ZNF438: variants seen among roughly 807,000 people sequenced by gnomAD.
ZNF438 encodes the protein zinc finger protein 438.
In ZNF438, 25 loss-of-function variants were observed where a neutral mutation model predicts 38.0. The ratio of observed to expected loss-of-function variants is 0.66; its 90% confidence interval spans 0.48 to 0.92. ZNF438 has a LOEUF of 0.92. ZNF438 is among the 40% of genes least tolerant of loss of function. The pLI is 0.00. For synonymous variants in ZNF438, 372 were observed against 364.1 expected (o/e 1.02, Z -0.25); for missense variants, 1,007 against 999.6 (o/e 1.01, Z -0.10).
intron 1 of ZNF438, among the ~76,000 whole-genome samples, chr10:30,949,406 A>T (rs1347555130): frequency 6.6e-6 from 1 of 152,220 alleles, no homozygotes; most frequent in East Asian, 1.9e-4. Context: ...AACAATATTA[A>T]CTTTAAATGT....
intron 1 of ZNF438, among the ~76,000 whole-genome samples, chr10:31,005,664 G>A (rs1048760343): frequency 6.6e-6 from 1 of 152,174 alleles, no homozygotes; most frequent in Non-Finnish European, 1.5e-5. Context: ...ACTAAAAAGA[G>A]TAACTATGTG....
intron 1 of ZNF438, among the ~76,000 whole-genome samples, chr10:31,027,010 C>T (rs1390030539): frequency 6.7e-6 from 1 of 150,198 alleles, no homozygotes; most frequent in Non-Finnish European, 1.5e-5. Flanking sequence ...CCACACACCA[C>T]ATGTTCTCAC....
chr10:30,911,232 C>G (rs955287328), intron 2 of ZNF438, among the ~76,000 whole-genome samples: 1 of 152,114 alleles, frequency 6.6e-6, no homozygotes, highest in East Asian at 1.9e-4. Context: ...ATATCTAGCA[C>G]TTCTCTCACC....
chr10:30,945,575 C>A (rs987897161), intron 1 of ZNF438, among the ~76,000 whole-genome samples: 17 of 149,798 alleles, frequency 1.1e-4, no homozygotes, highest in Middle Eastern at 6.8e-3. Context: ...ACAACAGTCC[C>A]CAGAGTGTGA....
chr10:31,004,641 T>C (rs1205680021), intron 1 of ZNF438, among the ~76,000 whole-genome samples: 1 of 152,110 alleles, frequency 6.6e-6, no homozygotes, highest in Non-Finnish European at 1.5e-5. Flanking sequence ...ATCATTAAAG[T>C]GAAAAAACTG....
At chr10:30,893,194 A>G (rs1269250889) in intron 3 of ZNF438, among the ~76,000 whole-genome samples, 2 of 152,202 alleles carry the variant, frequency 1.3e-5, no homozygotes, top group Admixed American at 1.3e-4. Context: ...AATACTCAAA[A>G]CGTTTAAGGA....
chr10:30,872,665 G>T (rs372238778), intron 4 of ZNF438, among the ~76,000 whole-genome samples: 29 of 140,292 alleles, frequency 2.1e-4, no homozygotes, highest in Admixed American at 1.5e-3. Flanking sequence ...CAGGAGAATG[G>T]CATGAACCTG....
chr10:30,883,651 G>A (rs543622578), intron 3 of ZNF438, among the ~76,000 whole-genome samples: 7 of 152,164 alleles, frequency 4.6e-5, no homozygotes, highest in African/African-American at 9.6e-5. Flanking sequence ...TGGAAGCATC[G>A]CCTAAGCCCA....
chr10:30,986,438 G>A (rs1874071), intron 1 of ZNF438, among the ~76,000 whole-genome samples: 61,429 of 151,952 alleles, frequency 0.4, 12,626 homozygotes, highest in Admixed American at 0.44. Context: ...CTTGTTTACC[G>A]TATGAGAGCT....
intron 1 of ZNF438, among the ~76,000 whole-genome samples, chr10:31,016,796 C>T (rs753832022): frequency 6.6e-6 from 1 of 152,184 alleles, no homozygotes; most frequent in African/African-American, 2.4e-5. Context: ...CTACAAGGAG[C>T]GTAAGAAATA....
Position 30,965,819 on chromosome 10 carries a change from A to T in ZNF438, c.-191-24168T>A, listed in dbSNP as rs78283835. On this transcript the variant is annotated intron_variant, in intron 1 of 5. Coordinates refer to ENST00000413025, the Ensembl canonical transcript of ZNF438. ...AAGTTAACTATTGGGTACTATGCTCAGTACCTAGGTGACAGGATCATCCAT... is the reference window on the plus strand; with the variant it reads ...AAGTTAACTATTGGGTACTATGCTCTGTACCTAGGTGACAGGATCATCCAT... 4.1e-3 allele frequency among the ~76,000 whole-genome samples: 617 copies of T among 152,320 alleles called. 7 individuals are homozygous for T. Among genetic ancestry groups the T allele is most frequent in the African/African-American group, 0.014 (579 of 41,570 alleles).
At chr10:30,964,951 T>A (rs188992090) in intron 1 of ZNF438, among the ~76,000 whole-genome samples, 1 of 152,142 alleles carries the variant, frequency 6.6e-6, no homozygotes, top group Non-Finnish European at 1.5e-5. Flanking sequence ...AAGTGAGGCC[T>A]AATTAAACTA....
chr10:30,933,788 T>C (rs570104087), intron 2 of ZNF438, among the ~76,000 whole-genome samples: 9 of 152,224 alleles, frequency 5.9e-5, no homozygotes, highest in African/African-American at 1.7e-4. Context: ...CTGGCCCCAA[T>C]TGCAGCTACC....
intron 1 of ZNF438, among the ~76,000 whole-genome samples, chr10:31,007,702 A>C (rs1369667267): frequency 8.5e-5 from 13 of 152,134 alleles, no homozygotes; most frequent in Non-Finnish European, 4.4e-5. Flanking sequence ...AACATATATA[A>C]AGTACCTAAC....
intron 3 of ZNF438, among the ~76,000 whole-genome samples, chr10:30,883,452 T>G (rs1194578221): frequency 1.3e-5 from 2 of 152,184 alleles, no homozygotes; most frequent in Non-Finnish European, 2.9e-5. Flanking sequence ...AAGGGTGCTA[T>G]TTAAAATACA....
At chr10:30,890,098 A>G (rs868350958) in intron 3 of ZNF438, among the ~76,000 whole-genome samples, 59 of 145,912 alleles carry the variant, frequency 4.0e-4, no homozygotes, top group Admixed American at 1.1e-3. Flanking sequence ...AAAAAAAAAA[A>G]AAAAAGAAAA....
chr10:30,978,531 A>G (rs948607423), intron 1 of ZNF438, among the ~76,000 whole-genome samples: 1 of 152,204 alleles, frequency 6.6e-6, no homozygotes, highest in African/African-American at 2.4e-5. Context: ...GGACAAATTT[A>G]TATCTCCATA....
intron 4 of ZNF438, among the ~76,000 whole-genome samples, chr10:30,870,425 CT>C (rs72383065): frequency 0.76 from 114,241 of 149,392 alleles, 44,070 homozygotes; most frequent in African/African-American, 0.85. Flanking sequence ...AAAACTGTCA[CT>C]TTTTTTTTTT....
intron 3 of ZNF438, among the ~76,000 whole-genome samples, chr10:30,882,694 T>C (rs959333487): frequency 3.3e-5 from 5 of 151,964 alleles, no homozygotes; most frequent in Non-Finnish European, 5.9e-5. Flanking sequence ...ACAGAGAAGG[T>C]TGGGGGGACA....
Sources: allele counts gnomAD v4.1 joint callset (sites outside exome capture counted in the v4.1 genomes callset), GRCh38; gene constraint gnomAD v4.1.1; transcripts MANE v1.5; gene names NCBI Gene and HGNC (gene_info 2026-07-23, HGNC 2026-07-21).